Variants in SPMAP2L observed in about 807,000 individuals in gnomAD.
SPMAP2L encodes sperm microtubule associated protein 2-like.
chr4:56,594,355 T>TA, the SPMAP2L span: 1 of 1,539,488 alleles, frequency 6.5e-7, no homozygotes, highest in Non-Finnish European at 9.0e-7. Flanking sequence ...ACAGTTCGTC[T>TA]GAACTCGCAC....
the SPMAP2L span, among the ~76,000 whole-genome samples, chr4:56,544,616 AT>A: frequency 1.3e-4 from 19 of 149,044 alleles, no homozygotes; most frequent in Non-Finnish European, 1.8e-4. Context: ...CATCCGAGAG[AT>A]TTTTTTTTTT....
the SPMAP2L span, among the ~76,000 whole-genome samples, chr4:56,616,690 C>G: frequency 3.3e-5 from 5 of 152,302 alleles, no homozygotes; most frequent in Admixed American, 3.3e-4. Context: ...GTAGTGAGGA[C>G]TTTTCACACA....
chr4:56,565,089 T>C, the SPMAP2L span, among the ~76,000 whole-genome samples: 128 of 152,348 alleles, frequency 8.4e-4, no homozygotes, highest in Non-Finnish European at 1.6e-3. Context: ...GATTATGATC[T>C]ATCTTGATAA....
At chr4:56,582,503 A>G in the SPMAP2L span, among the ~76,000 whole-genome samples, 1 of 152,162 alleles carries the variant, frequency 6.6e-6, no homozygotes, top group Non-Finnish European at 1.5e-5. Context: ...ACAATGAGAT[A>G]CCACTTCACA....
At chr4:56,544,377 A>G in the SPMAP2L span, among the ~76,000 whole-genome samples, 1 of 152,224 alleles carries the variant, frequency 6.6e-6, no homozygotes, top group Non-Finnish European at 1.5e-5. Context: ...AAGAGCTTGC[A>G]TATACGGTAA....
At chr4:56,593,360 G>A in the SPMAP2L span, 5 of 1,218,518 alleles carry the variant, frequency 4.1e-6, no homozygotes, top group Non-Finnish European at 6.1e-6. Flanking sequence ...GTCCAGACTC[G>A]AGCCAAATAT....
chr4:56,612,589 A>T, the SPMAP2L span, among the ~76,000 whole-genome samples: 1 of 109,052 alleles, frequency 9.2e-6, no homozygotes, highest in Non-Finnish European at 1.8e-5. Flanking sequence ...TTTTTTTTCA[A>T]GACAGTCTCA....
At chr4:56,594,410 C>G in the SPMAP2L span, 2 of 1,594,174 alleles carry the variant, frequency 1.3e-6, no homozygotes, top group Non-Finnish European at 1.7e-6. Flanking sequence ...CTTTGTGCCT[C>G]TGGACCAAGC....
At chr4:56,598,839 A>C in the SPMAP2L span, among the ~76,000 whole-genome samples, 1 of 152,096 alleles carries the variant, frequency 6.6e-6, no homozygotes, top group Non-Finnish European at 1.5e-5. Context: ...CCACATGTCA[A>C]GGGAAGGACC....
chr4:56,592,887 A>T, the SPMAP2L span: 1 of 1,608,244 alleles, frequency 6.2e-7, no homozygotes, highest in South Asian at 1.1e-5. Context: ...GACCAGAGAG[A>T]GATGCTGCAG....
the SPMAP2L span, among the ~76,000 whole-genome samples, chr4:56,550,421 A>G: frequency 6.6e-6 from 1 of 152,242 alleles, no homozygotes; most frequent in Admixed American, 6.5e-5. Flanking sequence ...TAGATAGGAC[A>G]GATATATCAA....
At chr4:56,598,993 A>T in the SPMAP2L span, among the ~76,000 whole-genome samples, 1 of 151,914 alleles carries the variant, frequency 6.6e-6, no homozygotes, top group South Asian at 2.1e-4. Flanking sequence ...ACCATGTAAG[A>T]TGTGCCTTTG....
the SPMAP2L span, among the ~76,000 whole-genome samples, chr4:56,587,563 ACAGT>A: frequency 6.6e-6 from 1 of 151,522 alleles, no homozygotes; most frequent in Non-Finnish European, 1.5e-5. Flanking sequence ...GTGAAAACAT[ACAGT>A]GTTTGGTTTT....
the SPMAP2L span, chr4:56,531,022 C>T: frequency 1.3e-6 from 2 of 1,535,340 alleles, no homozygotes; most frequent in Admixed American, 2.0e-5. Context: ...CCTCAAGGCC[C>T]GTGAACCCCG....
At chr4:56,598,693 G>A in the SPMAP2L span, among the ~76,000 whole-genome samples, 1 of 151,922 alleles carries the variant, frequency 6.6e-6, no homozygotes, top group Non-Finnish European at 1.5e-5. Context: ...ATCAAGGAGA[G>A]GAGGGGAGGA....
the SPMAP2L span, among the ~76,000 whole-genome samples, chr4:56,575,818 C>T: frequency 6.6e-6 from 1 of 152,144 alleles, no homozygotes; most frequent in Non-Finnish European, 1.5e-5. Flanking sequence ...AGTTCATCTT[C>T]GGTAATTACA....
At chr4:56,572,209 G>A in the SPMAP2L span, among the ~76,000 whole-genome samples, 2 of 152,260 alleles carry the variant, frequency 1.3e-5, no homozygotes, top group South Asian at 4.1e-4. Flanking sequence ...AAAGTATTAT[G>A]TACTGTACAT....
At chr4:56,585,004 G>A in the SPMAP2L span, among the ~76,000 whole-genome samples, 1 of 152,148 alleles carries the variant, frequency 6.6e-6, no homozygotes, top group African/African-American at 2.4e-5. Flanking sequence ...TTTAGGCAAG[G>A]AGGGTCTAAC....
the SPMAP2L span, among the ~76,000 whole-genome samples, chr4:56,566,695 C>CTTTTTCT: frequency 4.0e-4 from 37 of 92,450 alleles, 1 homozygote; most frequent in Admixed American, 2.4e-3. Flanking sequence ...TTTTCTTTTT[C>CTTTTTCT]TTTTTTTTTT....
Sources: allele counts gnomAD v4.1 joint callset (sites outside exome capture counted in the v4.1 genomes callset), GRCh38; gene constraint gnomAD v4.1.1; transcripts MANE v1.5; gene names NCBI Gene and HGNC (gene_info 2026-07-23, HGNC 2026-07-21).